The following MAGI3 variants were observed in gnomAD, a reference collection of about 807,000 sequenced individuals.
MAGI3 encodes the protein membrane-associated guanylate kinase, WW and PDZ domain-containing protein 3.
Under a neutral mutation model 121.8 loss-of-function variants are expected in MAGI3, and 43 were observed. The ratio of observed to expected loss-of-function variants is 0.35; its 90% CI spans 0.28 to 0.46. The LOEUF is 0.46. Among genes scored for constraint, MAGI3 ranks in the 20% least tolerant of loss-of-function variants. MAGI3 has a pLI of 1.00. For synonymous variants in MAGI3, 553 were observed against 639.3 expected (o/e 0.86, Z 2.04); for missense variants, 1,547 against 1,797.3 (o/e 0.86, Z 2.52).
intron 1 of MAGI3, among the ~76,000 whole-genome samples, chr1:113,472,228 A>C (rs910888434): frequency 6.8e-5 from 10 of 147,450 alleles, no homozygotes; most frequent in African/African-American, 2.5e-4. Flanking sequence ...TTTGAGACAG[A>C]GTCTCGCTCT....
intron 2 of MAGI3, among the ~76,000 whole-genome samples, chr1:113,579,763 G>C (rs1365826773): frequency 6.6e-6 from 1 of 152,080 alleles, no homozygotes; most frequent in Non-Finnish European, 1.5e-5. Flanking sequence ...GTGGAGTAGA[G>C]GGAAGAGCCC....
At chr1:113,461,677 A>G (rs973964072) in intron 1 of MAGI3, among the ~76,000 whole-genome samples, 1 of 152,192 alleles carries the variant, frequency 6.6e-6, no homozygotes, top group African/African-American at 2.4e-5. Context: ...AGATTTTATG[A>G]CAAAGACACC....
intron 9 of MAGI3, among the ~76,000 whole-genome samples, chr1:113,637,283 T>G (rs1025992310): frequency 6.6e-6 from 1 of 152,214 alleles, no homozygotes; most frequent in Non-Finnish European, 1.5e-5. Context: ...TGATGTTCGC[T>G]GGTTATTTTG....
chr1:113,606,868 C>T (rs1649807692), intron 6 of MAGI3, among the ~76,000 whole-genome samples: 1 of 152,002 alleles, frequency 6.6e-6, no homozygotes, highest in Non-Finnish European at 1.5e-5. Context: ...TATTATTATG[C>T]AAAAGTTTCA....
chr1:113,623,993 A>G (rs1024113746), intron 9 of MAGI3, among the ~76,000 whole-genome samples: 6 of 152,194 alleles, frequency 3.9e-5, no homozygotes, highest in Admixed American at 2.0e-4. Context: ...TTCACTTAAC[A>G]TAATGATCTT....
chr1:113,610,702 G>A (rs1230521445), intron 6 of MAGI3, among the ~76,000 whole-genome samples: 1 of 152,012 alleles, frequency 6.6e-6, no homozygotes, highest in Non-Finnish European at 1.5e-5. Context: ...TTAAAAACCT[G>A]CCATTCGGGT....
intron 1 of MAGI3, among the ~76,000 whole-genome samples, chr1:113,439,299 C>T (rs1051922822): frequency 6.6e-6 from 1 of 152,210 alleles, no homozygotes; most frequent in Non-Finnish European, 1.5e-5. Context: ...ATATTGACTT[C>T]AGGATAACAA....
At chr1:113,610,344 A>G (rs776504219) in intron 6 of MAGI3, among the ~76,000 whole-genome samples, 4 of 151,926 alleles carry the variant, frequency 2.6e-5, no homozygotes, top group Non-Finnish European at 5.9e-5. Context: ...TACTTTCTCC[A>G]TCTGCCGCTT....
At chr1:113,416,717 G>A (rs917506075) in intron 1 of MAGI3, among the ~76,000 whole-genome samples, 13 of 150,982 alleles carry the variant, frequency 8.6e-5, no homozygotes, top group African/African-American at 3.2e-4. Context: ...TTTTAAGGAG[G>A]AATATGATTT....
At chr1:113,395,758 C>T (rs1651079692) in intron 1 of MAGI3, among the ~76,000 whole-genome samples, 1 of 151,958 alleles carries the variant, frequency 6.6e-6, no homozygotes, top group East Asian at 1.9e-4. Context: ...ATCCTGCCCT[C>T]ACCCCCAGAC....
At chr1:113,397,983 G>A (rs892258545) in intron 1 of MAGI3, among the ~76,000 whole-genome samples, 1 of 152,050 alleles carries the variant, frequency 6.6e-6, no homozygotes, top group African/African-American at 2.4e-5. Flanking sequence ...AGCCACAGCC[G>A]ACTGGCTTCC....
rs553084327 is a variant in MAGI3 at position 113,426,322 on chromosome 1, G to A, written c.316+34973G>A. On this transcript the variant is annotated intron_variant, in intron 1 of 20. Coordinates refer to ENST00000307546, the MANE Select transcript of MAGI3 (RefSeq NM_001142782.2). ...GGTTTGTTTTCAGGCCCAAGATATG[G>A]CCTTTCTTGATGGATTTTCCATTGG... is the stretch of plus-strand genomic sequence containing the variant. Among the ~76,000 whole-genome samples the A allele has an allele frequency of 2.6e-5, 4 of 152,220 alleles. No homozygotes were observed. In the East Asian group the frequency reaches 7.7e-4, roughly 29 times the overall value.
chr1:113,542,768 C>G (rs78539790), intron 1 of MAGI3, among the ~76,000 whole-genome samples: 1,696 of 152,232 alleles, frequency 0.011, 35 homozygotes, highest in African/African-American at 0.039. Flanking sequence ...CGCGTGTGCA[C>G]ACACACAAAC....
chr1:113,637,701 ATG>A (rs1340111379), intron 9 of MAGI3, among the ~76,000 whole-genome samples: 28 of 151,804 alleles, frequency 1.8e-4, no homozygotes, highest in African/African-American at 6.8e-4. Flanking sequence ...TCTGACAGTT[ATG>A]TGTCTTGGAG....
At chr1:113,653,229 T>C (rs1226881337) in intron 14 of MAGI3, among the ~76,000 whole-genome samples, 2 of 152,224 alleles carry the variant, frequency 1.3e-5, no homozygotes, top group African/African-American at 4.8e-5. Context: ...CATTCCTCAT[T>C]ATGTGTTTCA....
chr1:113,624,387 GAT>G (rs367769243), intron 9 of MAGI3, among the ~76,000 whole-genome samples: 133 of 152,154 alleles, frequency 8.7e-4, no homozygotes, highest in Non-Finnish European at 1.3e-3. Context: ...CTGTCTTTTG[GAT>G]AAAAGCCATT....
chr1:113,575,641 G>A lies in MAGI3; in HGVS notation c.434-4901G>A, dbSNP rs917623260. On this transcript the variant is annotated intron_variant, in intron 2 of 20. Transcript: ENST00000307546. The stretch of plus-strand genomic sequence containing the variant: ...GGTGTCTGTTGACTCCTACTGGGAG[G>A]TGTCTCCCGGTCAGAAGGCATGGGG... 2.6e-4 allele frequency among the ~76,000 whole-genome samples: 40 copies of A among 152,330 alleles called. 1 individual carries two copies. Among genetic ancestry groups the A allele is most frequent in the African/African-American group, 9.6e-4 (40 of 41,592 alleles).
chr1:113,592,755 G>A lies in MAGI3; in HGVS notation c.939-1726G>A, dbSNP rs183255557. Among the ~76,000 whole-genome samples, 921 of 152,276 alleles carry A rather than the reference G, an allele frequency of 6.0e-3. 7 individuals are homozygous for A. The highest frequency in any genetic ancestry group is 0.021 in the African/African-American group (873 of 41,560). On this transcript the variant is annotated intron_variant, in intron 5 of 20. Transcript: ENST00000307546. ...TGGCCAGGCACGGTGGCTCACGCCTGTAATCCCAGCACTTTGGGAGGCCGA... is the reference window on the plus strand; with the variant it reads ...TGGCCAGGCACGGTGGCTCACGCCTATAATCCCAGCACTTTGGGAGGCCGA...
At chr1:113,416,678 G>C (rs1652469693) in intron 1 of MAGI3, among the ~76,000 whole-genome samples, 2 of 150,462 alleles carry the variant, frequency 1.3e-5, no homozygotes, top group African/African-American at 4.9e-5. Context: ...GATAATGACA[G>C]AATAAGGGAG....
Sources: allele counts gnomAD v4.1 joint callset (sites outside exome capture counted in the v4.1 genomes callset), GRCh38; gene constraint gnomAD v4.1.1; transcripts MANE v1.5; gene names NCBI Gene and HGNC (gene_info 2026-07-23, HGNC 2026-07-21).